NEGR1: variants seen among roughly 807,000 people sequenced by gnomAD.
The protein encoded by NEGR1 is IgLON family member 4.
Under a neutral mutation model 40.9 loss-of-function variants are expected in NEGR1, and 10 were observed. The ratio of observed to expected loss-of-function variants is 0.24; its 90% CI spans 0.15 to 0.42. The LOEUF (loss-of-function observed/expected upper bound fraction) is 0.42. Ranked by LOEUF, NEGR1 falls within the 10% of genes least tolerant of loss-of-function variation. The probability of loss-of-function intolerance (pLI) is 1.00; values close to 1 mark genes in which losing one functional copy is unlikely to be tolerated. For missense variants in NEGR1, 352 were observed against 438.9 expected, an observed-to-expected ratio of 0.80 and a Z score of 1.77; for synonymous variants, 185 against 166.8, an observed-to-expected ratio of 1.11 and a Z score of -0.84.
At chr1:71,545,893 T>C (rs1293304279) in intron 6 of NEGR1, among the ~76,000 whole-genome samples, 1 of 151,744 alleles carries the variant, frequency 6.6e-6, no homozygotes, top group African/African-American at 2.4e-5. Flanking sequence ...TGGCACCATT[T>C]GCTACTTTCC....
At chr1:72,076,726 GCA>G (rs1200903564) in intron 1 of NEGR1, among the ~76,000 whole-genome samples, 6 of 151,670 alleles carry the variant, frequency 4.0e-5, no homozygotes, top group African/African-American at 1.2e-4. Flanking sequence ...GTGCACACGC[GCA>G]CACACACACA....
chr1:71,752,259 C>T (rs1219561625), intron 3 of NEGR1, among the ~76,000 whole-genome samples: 1 of 152,072 alleles, frequency 6.6e-6, no homozygotes, highest in Non-Finnish European at 1.5e-5. Context: ...ACTTGCAGGC[C>T]ATAGGTTCTC....
chr1:72,089,174 C>A (rs1284255358), intron 1 of NEGR1, among the ~76,000 whole-genome samples: 2 of 152,040 alleles, frequency 1.3e-5, no homozygotes, highest in Admixed American at 6.6e-5. Flanking sequence ...CAATGTTTTG[C>A]CAAGACCCAT....
At position 71,652,196 on chromosome 1, in the gene NEGR1, C is replaced by T. The variant is rs533618847; in HGVS notation, c.668-41050G>A. Among the ~76,000 whole-genome samples, 37 of 152,258 alleles carry T rather than the reference C, an allele frequency of 2.4e-4. No individual in the cohort carries two copies. The South Asian group carries it at 6.6e-3, about 27-fold the overall frequency. ...CAGCAATGTCTATTTCTGCCAATTG[C>T]TTGAGAAATACTTCTTTAAAAAGCT... is the stretch of plus-strand genomic sequence containing the variant. On this transcript the variant is annotated intron_variant, in intron 4 of 6. Transcript: ENST00000357731.
intron 1 of NEGR1, among the ~76,000 whole-genome samples, chr1:72,172,972 A>T (rs939834183): frequency 4.6e-5 from 7 of 151,956 alleles, no homozygotes; most frequent in African/African-American, 1.7e-4. Context: ...GAATTCACGG[A>T]CCATCCCAAG....
intron 2 of NEGR1, among the ~76,000 whole-genome samples, chr1:71,831,864 T>C (rs1339223059): frequency 1.3e-5 from 2 of 151,532 alleles, no homozygotes; most frequent in East Asian, 3.9e-4. Context: ...GTGGTGTCTA[T>C]GGAGCACTGT....
chr1:72,109,834 T>C (rs1649283238), intron 1 of NEGR1, among the ~76,000 whole-genome samples: 2 of 151,574 alleles, frequency 1.3e-5, no homozygotes, highest in Admixed American at 1.3e-4. Flanking sequence ...ATGGGAAAAA[T>C]TGGGGCTGGT....
chr1:72,074,108 T>C (rs1263421763), intron 1 of NEGR1, among the ~76,000 whole-genome samples: 1 of 152,088 alleles, frequency 6.6e-6, no homozygotes, highest in Non-Finnish European at 1.5e-5. Flanking sequence ...CTGGACCCTT[T>C]GTTTTCCTTT....
chr1:71,916,872 C>T (rs969285610), intron 2 of NEGR1, among the ~76,000 whole-genome samples: 1 of 152,188 alleles, frequency 6.6e-6, no homozygotes, highest in African/African-American at 2.4e-5. Flanking sequence ...ATTTTTTAGT[C>T]AACCATAGGT....
chr1:72,254,202 T>G (rs1655190144), intron 1 of NEGR1, among the ~76,000 whole-genome samples: 1 of 152,232 alleles, frequency 6.6e-6, no homozygotes, highest in South Asian at 2.1e-4. Context: ...TGTAGTACAC[T>G]AATATCTTTC....
intron 2 of NEGR1, among the ~76,000 whole-genome samples, chr1:71,822,493 C>T (rs1186005194): frequency 6.6e-6 from 1 of 151,872 alleles, no homozygotes; most frequent in Non-Finnish European, 1.5e-5. Context: ...CACATGGGTC[C>T]AACGGCATCA....
intron 1 of NEGR1, among the ~76,000 whole-genome samples, chr1:72,075,086 T>C (rs1647664271): frequency 6.6e-6 from 1 of 152,150 alleles, no homozygotes; most frequent in South Asian, 2.1e-4. Context: ...TAAAATAACT[T>C]AGCAATTTTC....
At chr1:71,639,266 G>A (rs1475999758) in intron 4 of NEGR1, among the ~76,000 whole-genome samples, 1 of 150,748 alleles carries the variant, frequency 6.6e-6, no homozygotes, top group Non-Finnish European at 1.5e-5. Context: ...CCAATCACAG[G>A]CTTTGTCAAC....
chr1:72,101,807 A>G (rs926338166), intron 1 of NEGR1, among the ~76,000 whole-genome samples: 8 of 152,158 alleles, frequency 5.3e-5, no homozygotes, highest in African/African-American at 1.9e-4. Flanking sequence ...ACCTCCTAAT[A>G]CAGAGATCCA....
At chr1:71,796,885 T>C (rs914752820) in intron 2 of NEGR1, among the ~76,000 whole-genome samples, 5 of 152,106 alleles carry the variant, frequency 3.3e-5, no homozygotes, top group Non-Finnish European at 7.4e-5. Flanking sequence ...CAGAAAGACT[T>C]TTTAAAAGTT....
chr1:72,026,310 C>A (rs1415693636), intron 1 of NEGR1, among the ~76,000 whole-genome samples: 1 of 149,840 alleles, frequency 6.7e-6, no homozygotes, highest in African/African-American at 2.4e-5. Flanking sequence ...TTTTCTAGTT[C>A]GATTAAATGG....
intron 1 of NEGR1, among the ~76,000 whole-genome samples, chr1:72,204,374 T>A (rs564045468): frequency 6.6e-6 from 1 of 152,250 alleles, no homozygotes; most frequent in African/African-American, 2.4e-5. Flanking sequence ...TTAAAATTGA[T>A]TTTAGGAGTA....
intron 1 of NEGR1, among the ~76,000 whole-genome samples, chr1:72,158,847 G>A (rs1214496040): frequency 6.6e-6 from 1 of 152,032 alleles, no homozygotes; most frequent in African/African-American, 2.4e-5. Context: ...AAAATATGAT[G>A]ACTATAATTG....
intron 1 of NEGR1, among the ~76,000 whole-genome samples, chr1:72,037,078 C>G (rs1468092431): frequency 6.6e-6 from 1 of 152,006 alleles, no homozygotes; most frequent in Non-Finnish European, 1.5e-5. Context: ...ATGAGAACAT[C>G]CTATGACTTC....
Sources: gnomAD v4.1 joint callset for allele counts (sites outside exome capture counted in the v4.1 genomes callset) on GRCh38, gnomAD v4.1.1 for gene constraint, MANE v1.5 for transcripts, NCBI Gene and HGNC (gene_info 2026-07-23, HGNC 2026-07-21) for gene names.